Variants in GALNT13 observed in about 807,000 individuals in gnomAD.
GALNT13 encodes UDP-GalNAc:polypeptide N-acetylgalactosaminyltransferase 13.
GALNT13 carries 28 observed loss-of-function variants against 64.2 expected under a neutral mutation model. That is an observed-to-expected ratio of 0.44 (90% confidence interval 0.32 to 0.60). The LOEUF (loss-of-function observed/expected upper bound fraction) is 0.60. Among genes scored for constraint, GALNT13 ranks in the 20% least tolerant of loss-of-function variants. The pLI, the probability that GALNT13 is intolerant of heterozygous loss-of-function variation, is 0.05. For missense variants in GALNT13, 577 were observed against 669.8 expected, an observed-to-expected ratio of 0.86 and a Z score of 1.53; for synonymous variants, 214 against 224.6, an observed-to-expected ratio of 0.95 and a Z score of 0.42.
chr2:154,432,342 A>G (rs1700749194), intron 11 of GALNT13, among the ~76,000 whole-genome samples: 1 of 152,226 alleles, frequency 6.6e-6, no homozygotes, highest in Non-Finnish European at 1.5e-5. Context: ...CAAAATTTGC[A>G]ATGACAATCT....
At chr2:153,831,468 T>C in the GALNT13 span, among the ~76,000 whole-genome samples, 1 of 152,162 alleles carries the variant, frequency 6.6e-6, no homozygotes, top group Non-Finnish European at 1.5e-5. Flanking sequence ...CCTAGAATGC[T>C]TCTTCCCTTT....
intron 11 of GALNT13, among the ~76,000 whole-genome samples, chr2:154,417,024 A>G (rs890673576): frequency 1.8e-4 from 27 of 151,990 alleles, no homozygotes; most frequent in African/African-American, 6.0e-4. Flanking sequence ...TCATCACCCC[A>G]TGCTCACTAC....
At chr2:153,336,496 G>C in the GALNT13 span, among the ~76,000 whole-genome samples, 1 of 152,074 alleles carries the variant, frequency 6.6e-6, no homozygotes, top group Non-Finnish European at 1.5e-5. Context: ...CTGCCCCCTT[G>C]GATTTTGGAC....
At chr2:154,345,308 A>G (rs1023523038) in intron 9 of GALNT13, among the ~76,000 whole-genome samples, 1 of 151,926 alleles carries the variant, frequency 6.6e-6, no homozygotes, top group Non-Finnish European at 1.5e-5. Context: ...AACCTCACAA[A>G]AGGATTCAAG....
chr2:154,032,006 A>G (rs935494173), intron 3 of GALNT13, among the ~76,000 whole-genome samples: 1 of 151,994 alleles, frequency 6.6e-6, no homozygotes, highest in African/African-American at 2.4e-5. Flanking sequence ...TGATGCTTAT[A>G]TAATATCAGA....
the GALNT13 span, among the ~76,000 whole-genome samples, chr2:153,333,015 T>C: frequency 3.3e-5 from 5 of 152,140 alleles, no homozygotes; most frequent in African/African-American, 1.2e-4. Flanking sequence ...TTCCTGCCTC[T>C]AGTGCTAAGA....
chr2:153,968,117 A>C (rs1268481302), intron 3 of GALNT13, among the ~76,000 whole-genome samples: 1 of 152,066 alleles, frequency 6.6e-6, no homozygotes, highest in South Asian at 2.1e-4. Context: ...CCCCAAGTCC[A>C]CTGCCTCTGA....
the GALNT13 span, among the ~76,000 whole-genome samples, chr2:153,211,626 C>T: frequency 1.3e-5 from 2 of 152,238 alleles, no homozygotes; most frequent in Admixed American, 1.3e-4. Flanking sequence ...CTGATGGATC[C>T]TAGTGATGCT....
the GALNT13 span, among the ~76,000 whole-genome samples, chr2:153,122,108 T>G: frequency 6.6e-6 from 1 of 152,148 alleles, no homozygotes; most frequent in Non-Finnish European, 1.5e-5. Flanking sequence ...ATTTCACTTA[T>G]TTAGTTAATG....
the GALNT13 span, among the ~76,000 whole-genome samples, chr2:153,150,113 T>C: frequency 6.6e-6 from 1 of 151,884 alleles, no homozygotes; most frequent in Non-Finnish European, 1.5e-5. Context: ...CTGTATTGAA[T>C]TAGTTCTCTT....
At chr2:153,781,887 A>C in the GALNT13 span, among the ~76,000 whole-genome samples, 5 of 152,320 alleles carry the variant, frequency 3.3e-5, no homozygotes, top group African/African-American at 7.2e-5. Flanking sequence ...TAGGTTATGA[A>C]AAAGTGCTGA....
At chr2:154,392,068 G>A (rs771551562) in intron 9 of GALNT13, among the ~76,000 whole-genome samples, 6 of 152,162 alleles carry the variant, frequency 3.9e-5, no homozygotes, top group Non-Finnish European at 8.8e-5. Flanking sequence ...GTTGAATTAT[G>A]AATGAACGTG....
chr2:153,553,261 G>T, the GALNT13 span, among the ~76,000 whole-genome samples: 2 of 146,844 alleles, frequency 1.4e-5, no homozygotes, highest in Admixed American at 1.4e-4. Context: ...TCCTTTGGGA[G>T]GTTGAGGCAT....
chr2:154,016,157 C>A (rs1696990844), intron 3 of GALNT13, among the ~76,000 whole-genome samples: 1 of 152,258 alleles, frequency 6.6e-6, no homozygotes, highest in Admixed American at 6.5e-5. Context: ...GCATTTAATA[C>A]CTTAAGTCTA....
intron 4 of GALNT13, among the ~76,000 whole-genome samples, chr2:154,241,143 G>A (rs1573938647): frequency 6.6e-6 from 1 of 152,110 alleles, no homozygotes; most frequent in Non-Finnish European, 1.5e-5. Flanking sequence ...TCTTCTGGAC[G>A]TCCAGCAGCT....
the GALNT13 span, among the ~76,000 whole-genome samples, chr2:153,798,621 TA>T: frequency 6.6e-6 from 1 of 152,220 alleles, no homozygotes; most frequent in Non-Finnish European, 1.5e-5. Context: ...TGTTTCCTAA[TA>T]AACAGGGAAT....
intron 9 of GALNT13, among the ~76,000 whole-genome samples, chr2:154,342,921 T>A (rs2105229663): frequency 6.6e-6 from 1 of 152,148 alleles, no homozygotes; most frequent in East Asian, 1.9e-4. Flanking sequence ...CTGTTTCATT[T>A]GCCTGAGGTA....
At chr2:153,124,347 T>C in the GALNT13 span, among the ~76,000 whole-genome samples, 1 of 152,204 alleles carries the variant, frequency 6.6e-6, no homozygotes, top group African/African-American at 2.4e-5. Context: ...TAAATGTTGT[T>C]TTAAGCCACT....
At chr2:153,512,993 T>A in the GALNT13 span, among the ~76,000 whole-genome samples, 1 of 152,212 alleles carries the variant, frequency 6.6e-6, no homozygotes, top group African/African-American at 2.4e-5. Context: ...TAAAAAAAAT[T>A]CTAAAATATT....
Sources: allele counts gnomAD v4.1 joint callset (sites outside exome capture counted in the v4.1 genomes callset), GRCh38; gene constraint gnomAD v4.1.1; transcripts MANE v1.5; gene names NCBI Gene and HGNC (gene_info 2026-07-23, HGNC 2026-07-21).